TMEM196: variants seen among roughly 807,000 people sequenced by gnomAD.
TMEM196 encodes the protein transmembrane protein 196.
Under a neutral mutation model 20.0 loss-of-function variants are expected in TMEM196, and 17 were observed. The observed-to-expected ratio is 0.85, with a 90% CI of 0.58 to 1.27. The LOEUF is 1.27. TMEM196 is among the 50% of genes most tolerant of loss of function. The pLI is 0.00. For synonymous variants in TMEM196, 113 were observed against 88.9 expected (o/e 1.27, Z -1.52); for missense variants, 267 against 223.0 (o/e 1.20, Z -1.26).
intron 4 of TMEM196, 95 bp from the exon 5 acceptor site, chr7:19,722,229 G>A: frequency 9.6e-7 from 1 of 1,046,126 alleles, no homozygotes; most frequent in Non-Finnish European, 1.4e-6. Flanking sequence ...TCAATCCATT[G>A]AAAAACTTGC....
rs1475116032 is a variant in TMEM196 at position 19,720,426 on chromosome 7, AATTAT to A, written c.*1697_*1701del. ...AATTAAAACTCATGTTTTGTTTATA[AATTAT>A]ATTCTCATACTGAACAGTAAATATT... is the stretch of plus-strand genomic sequence containing the variant. On this transcript the variant is annotated 3_prime_UTR_variant, in exon 5 of 5. Coordinates refer to ENST00000405844, the MANE Select transcript of TMEM196 (RefSeq NM_001363562.2). 1 of 152,018 alleles carries A rather than the reference AATTAT, an allele frequency of 6.6e-6. No individual in the cohort carries two copies. Among genetic ancestry groups the A allele is most frequent in the East Asian group, 1.9e-4 (1 of 5,198 alleles). 9.4% of individuals were successfully genotyped at this position (152,018 alleles called of 1,614,324 possible). A position where few individuals can be genotyped will look rare whatever the true frequency, so the allele number is the denominator to read the frequency against.
rs1196175752 is a variant in TMEM196 at position 19,772,545 on chromosome 7, C to T, written c.147+5G>A. ...GGCTCAACGTACACACACCCCGCTC[C>T]ATACCGGGGACGAGTCTCCGAGCTG... On this transcript the variant is annotated splice_donor_5th_base_variant and intron_variant, in intron 1 of 4. Transcript: ENST00000405844. 1 of 1,541,024 alleles carries T rather than the reference C, an allele frequency of 6.5e-7. No individual in the cohort carries two copies. Among genetic ancestry groups the T allele is most frequent in the Non-Finnish European group, 8.7e-7 (1 of 1,142,878 alleles).
chr7:19,756,826 T>C (rs1785238183), intron 1 of TMEM196, among the ~76,000 whole-genome samples: 1 of 152,176 alleles, frequency 6.6e-6, no homozygotes, highest in Non-Finnish European at 1.5e-5. Flanking sequence ...ATGAACCGCA[T>C]TTTCTTTATC....
intron 1 of TMEM196, among the ~76,000 whole-genome samples, chr7:19,731,546 A>G (rs2128017137): frequency 6.6e-6 from 1 of 152,328 alleles, no homozygotes; most frequent in South Asian, 2.1e-4. Context: ...CCCCATTTTC[A>G]TCCTGAAAGT....
chr7:19,756,769 G>C (rs1240246839), intron 1 of TMEM196, among the ~76,000 whole-genome samples: 2 of 152,176 alleles, frequency 1.3e-5, no homozygotes, highest in East Asian at 1.9e-4. Context: ...TCCTGCAAAA[G>C]ACCTGATCTT....
rs944849207 is a variant in TMEM196, at chr7:19,720,007, A to G, written c.*2121T>C. 1 of 152,064 alleles carries G rather than the reference A, an allele frequency of 6.6e-6. No homozygotes were observed. The highest frequency in any genetic ancestry group is 2.4e-5 in the African/African-American group (1 of 41,432). 9.4% of individuals were successfully genotyped at this position (152,064 alleles called of 1,614,324 possible). A position where few individuals can be genotyped will look rare whatever the true frequency, so the allele number is the denominator to read the frequency against. ...TGTTTATAGAGAAATGCTACTGAAA[A>G]TTAGAGTCAGTGTTTATTCTTTCAG... On this transcript the variant is annotated 3_prime_UTR_variant, in exon 5 of 5. Transcript: ENST00000405844.
chr7:19,766,550 T>C (rs1583463401), intron 1 of TMEM196, among the ~76,000 whole-genome samples: 3 of 151,072 alleles, frequency 2.0e-5, no homozygotes, highest in East Asian at 3.9e-4. Flanking sequence ...GGATCATATA[T>C]ATTACATATG....
intron 1 of TMEM196, among the ~76,000 whole-genome samples, chr7:19,745,156 A>G (rs887628610): frequency 1.3e-5 from 2 of 152,228 alleles, no homozygotes. Context: ...ATGCAAAGAC[A>G]ATATAAATGC....
chr7:19,766,330 T>C (rs1267043054), intron 1 of TMEM196, among the ~76,000 whole-genome samples: 2 of 152,006 alleles, frequency 1.3e-5, no homozygotes, highest in South Asian at 2.1e-4. Context: ...TTTCTAGAAA[T>C]ATGCTCAATG....
Position 19,719,987 on chromosome 7 carries a change from A to G in TMEM196, c.*2141T>C, listed in dbSNP as rs927966234. ...AATTTTGTATTGAACAAGCATGTTT[A>G]TAGAGAAATGCTACTGAAAATTAGA... is the stretch of plus-strand genomic sequence containing the variant. On this transcript the variant is annotated 3_prime_UTR_variant, in exon 5 of 5. Coordinates refer to ENST00000405844, the MANE Select transcript of TMEM196 (RefSeq NM_001363562.2). 1 of 152,074 alleles carries G rather than the reference A, an allele frequency of 6.6e-6. No individual in the cohort carries two copies. The highest frequency in any genetic ancestry group is 2.4e-5 in the African/African-American group (1 of 41,444). The allele number at this position is 152,074 out of a possible 1,614,324, so 9.4% of individuals were successfully genotyped here.
chr7:19,736,579 T>C (rs1784417007), intron 1 of TMEM196, among the ~76,000 whole-genome samples: 1 of 151,586 alleles, frequency 6.6e-6, no homozygotes, highest in Non-Finnish European at 1.5e-5. Flanking sequence ...CAGGTGATTC[T>C]AGTGTACAGT....
intron 1 of TMEM196, among the ~76,000 whole-genome samples, chr7:19,755,808 C>T (rs1943786883): frequency 6.6e-6 from 1 of 152,254 alleles, no homozygotes; most frequent in South Asian, 2.1e-4. Context: ...GCAGGCAGAT[C>T]ACTTGCAGCC....
chr7:19,725,425 T>A (rs1783959864), intron 3 of TMEM196, 89 bp downstream of exon 3: 1 of 1,457,456 alleles, frequency 6.9e-7, no homozygotes, highest in East Asian at 2.3e-5. Flanking sequence ...TTCCTCAAAT[T>A]GTGATCTAAA....
intron 1 of TMEM196, among the ~76,000 whole-genome samples, chr7:19,749,700 C>G (rs1333664032): frequency 6.6e-6 from 1 of 152,108 alleles, no homozygotes; most frequent in Non-Finnish European, 1.5e-5. Context: ...TCATTAACAA[C>G]TTCTCCAGAT....
chr7:19,740,794 G>A (rs190775135), intron 1 of TMEM196, among the ~76,000 whole-genome samples: 1 of 152,210 alleles, frequency 6.6e-6, no homozygotes, highest in African/African-American at 2.4e-5. Flanking sequence ...AATCTGGAGG[G>A]TCAGGTATTT....
At chr7:19,736,422 G>A (rs1041978042) in intron 1 of TMEM196, among the ~76,000 whole-genome samples, 2 of 130,832 alleles carry the variant, frequency 1.5e-5, no homozygotes, top group Non-Finnish European at 3.2e-5. Flanking sequence ...GTAAAATGGA[G>A]AAAGCTTATC....
rs1783812210 is a variant in TMEM196 at position 19,721,509 on chromosome 7, C to T, written c.*619G>A. ...AAAATACCATATAGATTAGTATTCT[C>T]TCTCTCTAAAAAGTCTCTTTTTTAT... is the stretch of plus-strand genomic sequence containing the variant. On this transcript the variant is annotated 3_prime_UTR_variant, in exon 5 of 5. Transcript: ENST00000405844. The T allele has an allele frequency of 6.6e-6, 1 of 151,992 alleles. No individual in the cohort carries two copies. Among genetic ancestry groups the T allele is most frequent in the East Asian group, 1.9e-4 (1 of 5,206 alleles). 9.4% of individuals were successfully genotyped at this position (151,992 alleles called of 1,614,324 possible).
chr7:19,763,755 T>C (rs1785521469), intron 1 of TMEM196, among the ~76,000 whole-genome samples: 1 of 152,126 alleles, frequency 6.6e-6, no homozygotes, highest in Admixed American at 6.6e-5. Context: ...AAAATATGCA[T>C]CCCATTGTTG....
chr7:19,727,094 T>C (rs1200345921), intron 2 of TMEM196, among the ~76,000 whole-genome samples: 4 of 152,204 alleles, frequency 2.6e-5, no homozygotes, highest in African/African-American at 9.7e-5. Context: ...TTATCAGATA[T>C]TATTTTTCAT....
Sources: allele counts gnomAD v4.1 joint callset (sites outside exome capture counted in the v4.1 genomes callset), GRCh38; gene constraint gnomAD v4.1.1; transcripts MANE v1.5; gene names NCBI Gene and HGNC (gene_info 2026-07-23, HGNC 2026-07-21).